Variants in KCNK1 observed in about 807,000 individuals in gnomAD.
The protein encoded by KCNK1 is potassium two pore domain channel subfamily K member 1.
In KCNK1, 10 loss-of-function variants were observed where a neutral mutation model predicts 22.2. The observed-to-expected ratio is 0.45, with a 90% CI of 0.28 to 0.76. The LOEUF is 0.76. Ranked by LOEUF, KCNK1 falls within the 30% of genes least tolerant of loss-of-function variation. KCNK1 has a pLI of 0.14. For missense variants in KCNK1, 378 were observed against 421.0 expected (o/e 0.90, Z 0.89); for synonymous variants, 200 against 186.4 (o/e 1.07, Z -0.60).
At position 233,671,585 on chromosome 1, in the gene KCNK1, G is replaced by A; in HGVS notation, c.*55G>A. On this transcript the variant is annotated 3_prime_UTR_variant, in exon 3 of 3. Transcript: ENST00000366621. ...ACCAGGGTCAGGGTGCAAGGAAGAG[G>A]CTTAAGTATGTTCATTTTTATCAGA... The A allele has an allele frequency of 6.3e-7, 1 of 1,579,560 alleles. No homozygotes were observed. The highest frequency in any genetic ancestry group is 8.6e-7 in the Non-Finnish European group (1 of 1,158,718).
In KCNK1 at chr1:233,649,895, A is replaced by T. The variant is rs16859360; in HGVS notation, c.356-16700A>T. 4,690 of 523,888 alleles carry T rather than the reference A, an allele frequency of 9.0e-3. 179 individuals carry two copies. Among genetic ancestry groups the T allele is most frequent in the African/African-American group, 0.081 (4,174 of 51,650 alleles). The allele number at this position is 523,888 out of a possible 1,614,324, so 32.5% of individuals were successfully genotyped here. On this transcript the variant is annotated intron_variant, in intron 1 of 2. Transcript: ENST00000366621. The stretch of plus-strand genomic sequence containing the variant: ...TGGATATCTTTAAGAACAGGATTCT[A>T]GGTCTAGAACACCATCCTCTTCTGT...
At chr1:233,643,756 G>T (rs1658042794) in intron 1 of KCNK1, among the ~76,000 whole-genome samples, 1 of 152,242 alleles carries the variant, frequency 6.6e-6, no homozygotes, top group East Asian at 1.9e-4. Context: ...TCCAGACAGG[G>T]CAGCATTTAA....
intron 2 of KCNK1, among the ~76,000 whole-genome samples, chr1:233,669,258 A>G (rs1658553994): frequency 1.3e-5 from 2 of 152,222 alleles, no homozygotes; most frequent in Admixed American, 1.3e-4. Flanking sequence ...TTTGCTAGCT[A>G]CAATAATTTT....
At chr1:233,659,898 T>G (rs1444811364) in intron 1 of KCNK1, among the ~76,000 whole-genome samples, 1 of 152,196 alleles carries the variant, frequency 6.6e-6, no homozygotes, top group Admixed American at 6.5e-5. Context: ...TAAGAGAACC[T>G]TCTTAGGAAA....
chr1:233,666,022 G>A (rs1024351474), intron 1 of KCNK1, among the ~76,000 whole-genome samples: 16 of 152,064 alleles, frequency 1.1e-4, no homozygotes, highest in Non-Finnish European at 1.5e-4. Flanking sequence ...TTTTTCTTCC[G>A]CTTTTTGATA....
chr1:233,621,949 A>G (rs189334342), intron 1 of KCNK1, among the ~76,000 whole-genome samples: 1 of 151,780 alleles, frequency 6.6e-6, no homozygotes, highest in Admixed American at 6.6e-5. Flanking sequence ...TTGGAGTGTT[A>G]CTGTGTGTGA....
intron 1 of KCNK1, among the ~76,000 whole-genome samples, chr1:233,664,150 T>C (rs997454094): frequency 3.9e-5 from 6 of 152,032 alleles, no homozygotes; most frequent in African/African-American, 1.4e-4. Flanking sequence ...TTTTTTATGG[T>C]TAAATAAAGT....
chr1:233,623,371 A>G (rs1259165577), intron 1 of KCNK1, among the ~76,000 whole-genome samples: 1 of 152,194 alleles, frequency 6.6e-6, no homozygotes, highest in African/African-American at 2.4e-5. Context: ...TGTCTATACC[A>G]CTGTAGAATG....
intron 1 of KCNK1, among the ~76,000 whole-genome samples, chr1:233,636,145 A>T (rs182898706): frequency 4.5e-4 from 68 of 152,342 alleles, no homozygotes; most frequent in African/African-American, 1.6e-3. Flanking sequence ...GAGTCAGATC[A>T]TGTAGGACCT....
chr1:233,663,079 G>A (rs533436898), intron 1 of KCNK1, among the ~76,000 whole-genome samples: 1 of 152,322 alleles, frequency 6.6e-6, no homozygotes, highest in South Asian at 2.1e-4. Flanking sequence ...TCCGTCAGAT[G>A]CATTAAGCCG....
At chr1:233,625,512 G>A (rs1657673808) in intron 1 of KCNK1, among the ~76,000 whole-genome samples, 1 of 152,102 alleles carries the variant, frequency 6.6e-6, no homozygotes, top group African/African-American at 2.4e-5. Flanking sequence ...GAGATAGGAG[G>A]GCAGGAGAAG....
At chr1:233,634,079 G>A (rs550506276) in intron 1 of KCNK1, among the ~76,000 whole-genome samples, 22 of 152,108 alleles carry the variant, frequency 1.4e-4, no homozygotes, top group African/African-American at 5.3e-4. Flanking sequence ...AGGCCGAGGC[G>A]GGCGAATCAC....
At chr1:233,639,040 C>T (rs1008021493) in intron 1 of KCNK1, among the ~76,000 whole-genome samples, 4 of 152,324 alleles carry the variant, frequency 2.6e-5, no homozygotes, top group East Asian at 1.9e-4. Flanking sequence ...CACATTTGTG[C>T]ACCCATGTGT....
intron 1 of KCNK1, among the ~76,000 whole-genome samples, chr1:233,645,808 G>A (rs12097694): frequency 0.026 from 3,907 of 152,234 alleles, 170 homozygotes; most frequent in African/African-American, 0.088. Context: ...GAAAAATCAC[G>A]TGGCTTGCAT....
rs148693301 is a variant in KCNK1, at chr1:233,617,844, G to A, written c.355+3318G>A. Among the ~76,000 whole-genome samples, 45 of 152,292 alleles carry A rather than the reference G, an allele frequency of 3.0e-4. No individual in the cohort carries two copies. In the East Asian group the frequency reaches 7.9e-3, roughly 27 times the overall value. ...AGTCCCAGCTACCTAGAAGGCTGAG[G>A]CATTGAGTCTAGGAGTTTGAGGCTG... On this transcript the variant is annotated intron_variant, in intron 1 of 2. Transcript: ENST00000366621.
intron 1 of KCNK1, among the ~76,000 whole-genome samples, chr1:233,651,987 C>T (rs1015707282): frequency 2.0e-5 from 3 of 152,170 alleles, no homozygotes; most frequent in Non-Finnish European, 2.9e-5. Flanking sequence ...TTAGATTAGA[C>T]CAAAGGTGAA....
In KCNK1 at chr1:233,622,977, A is replaced by G. The variant is rs142094867; in HGVS notation, c.355+8451A>G. Among the ~76,000 whole-genome samples the G allele has an allele frequency of 5.4e-3, 815 of 152,174 alleles. 5 individuals carry two copies. The highest frequency in any genetic ancestry group is 0.019 in the African/African-American group (776 of 41,516). The stretch of plus-strand genomic sequence containing the variant: ...CTGCCTCTGAGACTCAGTTATTAGT[A>G]CCCATGGAAGGGCTTTAGGCAGAAA... On this transcript the variant is annotated intron_variant, in intron 1 of 2. Coordinates refer to ENST00000366621, the MANE Select transcript of KCNK1 (RefSeq NM_002245.4).
intron 1 of KCNK1, among the ~76,000 whole-genome samples, chr1:233,662,832 G>A (rs1658423627): frequency 6.6e-6 from 1 of 152,114 alleles, no homozygotes; most frequent in Non-Finnish European, 1.5e-5. Flanking sequence ...AGCAGTCTTT[G>A]TTATGTTCAA....
chr1:233,646,622 G>T (rs980289478), intron 1 of KCNK1, among the ~76,000 whole-genome samples: 3 of 151,994 alleles, frequency 2.0e-5, no homozygotes, highest in African/African-American at 7.3e-5. Flanking sequence ...GCAGATGGAA[G>T]GTCTGAAGGC....
Sources: allele counts gnomAD v4.1 joint callset (sites outside exome capture counted in the v4.1 genomes callset), GRCh38; gene constraint gnomAD v4.1.1; transcripts MANE v1.5; gene names NCBI Gene and HGNC (gene_info 2026-07-23, HGNC 2026-07-21).